The following CCDC91 variants were observed in gnomAD, a reference collection of about 807,000 sequenced individuals.
The protein encoded by CCDC91 is coiled-coil domain-containing protein 91.
CCDC91 carries 48 observed loss-of-function variants against 63.2 expected under a neutral mutation model. The observed-to-expected ratio is 0.76, with a 90% confidence interval of 0.60 to 0.97. The LOEUF (loss-of-function observed/expected upper bound fraction) is 0.97. CCDC91 is among the 50% of genes least tolerant of loss of function. The probability of loss-of-function intolerance (pLI) is 0.00; values close to 1 mark genes in which losing one functional copy is unlikely to be tolerated. For synonymous variants in CCDC91, 167 were observed against 165.8 expected, an observed-to-expected ratio of 1.01 and a Z score of -0.06; for missense variants, 500 against 494.6, an observed-to-expected ratio of 1.01 and a Z score of -0.10.
intron 3 of CCDC91, among the ~76,000 whole-genome samples, chr12:28,299,455 G>C (rs756977652): frequency 1.3e-5 from 2 of 151,440 alleles, no homozygotes; most frequent in Non-Finnish European, 3.0e-5. Context: ...TGTGTTATGT[G>C]ATCAGGTTAT....
At chr12:28,377,192 C>G (rs61920565) in intron 7 of CCDC91, among the ~76,000 whole-genome samples, 30,490 of 150,622 alleles carry the variant, frequency 0.2, 4,037 homozygotes, top group Non-Finnish European at 0.3. Context: ...TTTTGAAACT[C>G]TCATCTAGAG....
chr12:28,216,082 A>G (rs951429575), intron 1 of CCDC91, among the ~76,000 whole-genome samples: 1 of 152,098 alleles, frequency 6.6e-6, no homozygotes, highest in African/African-American at 2.4e-5. Context: ...AGTAATCATG[A>G]AGACTCTAGG....
chr12:28,328,704 A>G (rs1051748149), intron 6 of CCDC91, among the ~76,000 whole-genome samples: 2 of 152,192 alleles, frequency 1.3e-5, no homozygotes, highest in Non-Finnish European at 2.9e-5. Flanking sequence ...TGTTCATTTT[A>G]TGAGAGAGGC....
intron 11 of CCDC91, among the ~76,000 whole-genome samples, chr12:28,472,580 A>G (rs989542902): frequency 2.0e-5 from 3 of 152,190 alleles, no homozygotes; most frequent in African/African-American, 2.4e-5. Flanking sequence ...AAAATTGGTC[A>G]CAAATGTTTG....
chr12:28,446,713 T>C (rs1027534845), intron 8 of CCDC91, among the ~76,000 whole-genome samples: 2 of 152,036 alleles, frequency 1.3e-5, no homozygotes, highest in African/African-American at 4.8e-5. Context: ...GATCCATCCA[T>C]CTTGGCCTCC....
chr12:28,484,474 A>G (rs1398031905), intron 12 of CCDC91, among the ~76,000 whole-genome samples: 1 of 152,122 alleles, frequency 6.6e-6, no homozygotes, highest in Non-Finnish European at 1.5e-5. Context: ...CTTTTGCCAT[A>G]CATTTGTTAA....
chr12:28,495,293 T>C (rs2141041869), intron 12 of CCDC91, among the ~76,000 whole-genome samples: 1 of 151,844 alleles, frequency 6.6e-6, no homozygotes, highest in Admixed American at 6.6e-5. Context: ...CAAATTTTTG[T>C]TGTAGTAACT....
chr12:28,334,960 T>C (rs1264252320), intron 6 of CCDC91, among the ~76,000 whole-genome samples: 1 of 150,164 alleles, frequency 6.7e-6, no homozygotes, highest in African/African-American at 2.4e-5. Flanking sequence ...ATACCAAATA[T>C]TAGGTACTGT....
At chr12:28,395,564 A>T (rs1160623610) in intron 8 of CCDC91, among the ~76,000 whole-genome samples, 1 of 152,164 alleles carries the variant, frequency 6.6e-6, no homozygotes, top group African/African-American at 2.4e-5. Flanking sequence ...GTCATAAAGG[A>T]TACAACTCAG....
At position 28,391,470 on chromosome 12, in the gene CCDC91, G is replaced by C. The variant is rs1161775872; in HGVS notation, c.762+59G>C. On this transcript the variant is annotated intron_variant, in intron 8 of 12. Transcript: ENST00000536442. ...CTTTTCCCCTGACTCTCTCCCCTGA[G>C]AGCTCTATAACTGTTTATTCAGTTC... 2.9e-6 allele frequency: 3 copies of C among 1,023,456 alleles called. No individual in the cohort carries two copies. In the East Asian group the frequency reaches 7.4e-5, roughly 25 times the overall value. 63.4% of individuals were successfully genotyped at this position (1,023,456 alleles called of 1,614,324 possible).
chr12:28,267,594 A>G (rs1947273363), intron 3 of CCDC91, among the ~76,000 whole-genome samples: 1 of 142,700 alleles, frequency 7.0e-6, no homozygotes, highest in Non-Finnish European at 1.5e-5. Context: ...ATGCTCTTTG[A>G]CTCTGAACAG....
At chr12:28,369,682 C>A (rs1217534878) in intron 7 of CCDC91, among the ~76,000 whole-genome samples, 1 of 152,202 alleles carries the variant, frequency 6.6e-6, no homozygotes, top group Non-Finnish European at 1.5e-5. Flanking sequence ...GAGGGCTCCT[C>A]CTCTGTAGCA....
At chr12:28,306,675 G>A in intron 4 of CCDC91, 67 bp from the exon 5 acceptor site, 1 of 1,093,890 alleles carries the variant, frequency 9.1e-7, no homozygotes, top group East Asian at 2.4e-5. Flanking sequence ...GTGCCCTTTG[G>A]ATGTTTTCAT....
chr12:28,519,206 G>A (rs1276957824), intron 12 of CCDC91, among the ~76,000 whole-genome samples: 1 of 151,986 alleles, frequency 6.6e-6, no homozygotes. Context: ...ATTTGTTTGT[G>A]TAGTCTATGA....
At chr12:28,429,857 CA>C (rs561882430) in intron 8 of CCDC91, among the ~76,000 whole-genome samples, 3 of 151,838 alleles carry the variant, frequency 2.0e-5, no homozygotes, top group Non-Finnish European at 2.9e-5. Flanking sequence ...AATCGCATCC[CA>C]AAAAAACTCT....
At chr12:28,362,537 C>G (rs760249343) in intron 7 of CCDC91, 22 bp downstream of exon 7, 79 of 1,482,616 alleles carry the variant, frequency 5.3e-5, no homozygotes, top group Non-Finnish European at 7.0e-5. Flanking sequence ...AGAGTGTTTA[C>G]TTTTTTAAAC....
chr12:28,223,208 A>G (rs1360154834), intron 1 of CCDC91, among the ~76,000 whole-genome samples: 2 of 152,164 alleles, frequency 1.3e-5, no homozygotes, highest in African/African-American at 4.8e-5. Flanking sequence ...TCTGGGTTTT[A>G]TGGTGTTCTT....
chr12:28,535,788 G>A (rs1272949864), intron 12 of CCDC91, among the ~76,000 whole-genome samples: 3 of 152,036 alleles, frequency 2.0e-5, no homozygotes, highest in East Asian at 3.9e-4. Context: ...CAGCACTTTG[G>A]GAGGCCAAGG....
intron 1 of CCDC91, among the ~76,000 whole-genome samples, chr12:28,209,153 A>G (rs1472897845): frequency 6.6e-6 from 1 of 152,216 alleles, no homozygotes; most frequent in Non-Finnish European, 1.5e-5. Context: ...AGAGAAAGCC[A>G]AATTTCACCC....
Sources: gnomAD v4.1 joint callset for allele counts (sites outside exome capture counted in the v4.1 genomes callset) on GRCh38, gnomAD v4.1.1 for gene constraint, MANE v1.5 for transcripts, NCBI Gene and HGNC (gene_info 2026-07-23, HGNC 2026-07-21) for gene names.